Variants in C2 observed in about 807,000 individuals in gnomAD.
C2 encodes the protein C3/C5 convertase.
C2 carries 64 observed loss-of-function variants against 85.2 expected under a neutral mutation model. The observed-to-expected ratio is 0.75, with a 90% CI of 0.61 to 0.92. The LOEUF is 0.92. Among genes scored for constraint, C2 ranks in the 40% least tolerant of loss-of-function variants. The pLI, the probability that C2 is intolerant of heterozygous loss-of-function variation, is 0.00. For missense variants in C2, 820 were observed against 971.6 expected (o/e 0.84, Z 2.07); for synonymous variants, 311 against 370.8 (o/e 0.84, Z 1.85).
upstream of C2, chr6:31,927,558 G>C: frequency 6.6e-7 from 1 of 1,509,834 alleles, no homozygotes; most frequent in Non-Finnish European, 8.8e-7. The surrounding 1 kb of genome is among the most constrained non-coding windows in gnomAD (Gnocchi z 4.7). Flanking sequence ...ACAGGGCAAA[G>C]GTTTCACCCT....
rs758301462 is a variant in C2, at chr6:31,927,818, G to C, written c.46+20G>C. ...ACCCAGGTAGGAGGCAGGGAAGGGG[G>C]AACGTCAGGGTCCTGTGTGTGAGGT... On this transcript the variant is annotated intron_variant, in intron 1 of 17. Coordinates refer to ENST00000299367, the MANE Select transcript of C2 (RefSeq NM_000063.6). The surrounding 1 kb of genome is among the most constrained non-coding windows in gnomAD (Gnocchi z 4.7). The C allele has an allele frequency of 1.9e-6, 3 of 1,611,654 alleles. No individual in the cohort carries two copies. The highest frequency in any genetic ancestry group is 2.5e-6 in the Non-Finnish European group (3 of 1,177,798).
In C2 at chr6:31,933,906, C is replaced by T; in HGVS notation, c.656C>T (p.Ala219Val). The T allele has an allele frequency of 3.1e-6, 5 of 1,614,188 alleles. No individual in the cohort carries two copies. The highest frequency in any genetic ancestry group is 2.2e-5 in the East Asian group (1 of 44,888). ...SYDFPEDVAP[A>V]LGTSFSHMLG... is the part of the protein sequence containing the mutation. Reference sequence around the variant, plus strand: ...GACTTCCCTGAGGACGTGGCCCCTGCCCTGGGCACTTCCTTCTCCCACATG... The same window carrying T: ...GACTTCCCTGAGGACGTGGCCCCTGTCCTGGGCACTTCCTTCTCCCACATG... Residue 219 changes from alanine (A) to valine (V), a missense_variant, in exon 5 of 18, where the codon GCC (alanine) becomes GTC (valine). Coordinates refer to ENST00000299367, the MANE Select transcript of C2 (RefSeq NM_000063.6).
chr6:31,914,377 G>GGGCGGATCATGAA (rs1329009862), intron 1 of C2, among the ~76,000 whole-genome samples: 2 of 150,588 alleles, frequency 1.3e-5, no homozygotes, highest in Admixed American at 6.6e-5. Flanking sequence ...CGGATCATGA[G>GGGCGGATCATGAA]GTCAGGAGTT....
chr6:31,945,332 A>G lies in C2; in HGVS notation c.2234A>G (p.Asp745Gly). The change falls in exon 18 of 18, where the codon GAT (aspartate) becomes GGT (glycine). Residue 745 changes from aspartate to glycine, a missense_variant. By Grantham distance (94) the Asp-to-Gly change is moderately conservative (BLOSUM62 -1). Transcript: ENST00000299367. The surrounding 1 kb of genome is among the most constrained non-coding windows in gnomAD (Gnocchi z 5.3). ...CCCTGGCTGAGGCAGCACCTGGGGGATGTCCTGAATTTTTTACCCCTCTAG... is the reference window on the plus strand; with the variant it reads ...CCCTGGCTGAGGCAGCACCTGGGGGGTGTCCTGAATTTTTTACCCCTCTAG... ...MQPWLRQHLG[D>G]VLNFLPL 1.2e-6 allele frequency: 2 copies of G among 1,612,600 alleles called. No homozygotes were observed. Among genetic ancestry groups the G allele is most frequent in the Non-Finnish European group, 1.7e-6 (2 of 1,179,924 alleles).
upstream of C2, among the ~76,000 whole-genome samples, chr6:31,922,790 C>T (rs371810599): frequency 2.0e-5 from 3 of 152,032 alleles, no homozygotes; most frequent in Admixed American, 6.6e-5. The surrounding 1 kb of genome is among the most constrained non-coding windows in gnomAD (Gnocchi z 4.8). Flanking sequence ...TGCAGTGAGC[C>T]GAGATCGTAC....
chr6:31,901,003 G>T (rs1225333456), upstream of C2: 1 of 1,614,210 alleles, frequency 6.2e-7, no homozygotes, highest in East Asian at 2.2e-5. Flanking sequence ...TAAGGTAGTT[G>T]ACGATGTCCC....
chr6:31,928,212 C>T (rs750187838), intron 2 of C2, 48 bp downstream of exon 2: 158 of 1,545,610 alleles, frequency 1.0e-4, no homozygotes, highest in Non-Finnish European at 1.4e-4. Flanking sequence ...CAGGGGCCAC[C>T]CCAGAACTTT....
chr6:31,901,344 G>A, intron 1 of C2: 2 of 1,574,842 alleles, frequency 1.3e-6, no homozygotes, highest in East Asian at 2.3e-5. Context: ...GAAGGAAACC[G>A]GTCAGAGACA....
In C2 at chr6:31,943,866, C is replaced by T; in HGVS notation, c.1734-51C>T. The T allele has an allele frequency of 6.2e-7, 1 of 1,611,908 alleles. No individual in the cohort carries two copies. The highest frequency in any genetic ancestry group is 8.5e-7 in the Non-Finnish European group (1 of 1,179,204). On this transcript the variant is annotated intron_variant, in intron 13 of 17. Transcript: ENST00000299367. The surrounding 1 kb of genome is among the most constrained non-coding windows in gnomAD (Gnocchi z 6.4). ...GCAGGGAAGAGTGCTCTGGAGATCC[C>T]TGGAAGAGATACTGGGGACAGGCTG...
chr6:31,943,364 G>A lies in C2; in HGVS notation c.1455+45G>A, dbSNP rs1163727525. 3 of 1,608,286 alleles carry A rather than the reference G, an allele frequency of 1.9e-6. No individual in the cohort carries two copies. The highest frequency in any genetic ancestry group is 1.1e-5 in the South Asian group (1 of 90,994). ...GGGCTTGGATTCCAGAGGTAAAAGC[G>A]GCCATGGGCCAGACATACTGCAATC... On this transcript the variant is annotated intron_variant, in intron 11 of 17. Coordinates refer to ENST00000299367, the MANE Select transcript of C2 (RefSeq NM_000063.6). The surrounding 1 kb of genome is among the most constrained non-coding windows in gnomAD (Gnocchi z 6.4).
At chr6:31,933,069 C>T (rs1327264489) in intron 3 of C2, among the ~76,000 whole-genome samples, 1 of 146,498 alleles carries the variant, frequency 6.8e-6, no homozygotes, top group Non-Finnish European at 1.5e-5. Context: ...GGCAGCAGTA[C>T]CGTCCAGCTT....
chr6:31,913,030 CAAAAAA>C, intron 1 of C2, among the ~76,000 whole-genome samples: 1 of 70,536 alleles, frequency 1.4e-5, no homozygotes, highest in South Asian at 5.1e-4. Context: ...CCTGTTTCCA[CAAAAAA>C]AAAAAAAAAA....
upstream of C2, chr6:31,900,296 T>C: frequency 1.2e-6 from 2 of 1,612,724 alleles, no homozygotes; most frequent in Non-Finnish European, 1.7e-6. The surrounding 1 kb of genome is among the most constrained non-coding windows in gnomAD (Gnocchi z 9.7). Context: ...TTCCGGGCAC[T>C]TGGTGCACTT....
chr6:31,934,118 G>C lies in C2; in HGVS notation c.716-48G>C, dbSNP rs17207790. 13,149 of 1,605,802 alleles carry C rather than the reference G, an allele frequency of 8.2e-3. 177 individuals carry two copies. The highest frequency in any genetic ancestry group is 0.025 in the South Asian group (2,249 of 90,912). On this transcript the variant is annotated intron_variant, in intron 5 of 17. Transcript: ENST00000299367. Reference sequence around the variant, plus strand: ...GAAGCTGGACCTGCTTGGCGAGAGCGCAGGAAGGAGGTGGGGATCTGAATC... The same window carrying C: ...GAAGCTGGACCTGCTTGGCGAGAGCCCAGGAAGGAGGTGGGGATCTGAATC...
At chr6:31,934,348 ATCTC>A in intron 6 of C2, 49 bp downstream of exon 6, 1 of 1,612,456 alleles carries the variant, frequency 6.2e-7, no homozygotes, top group Non-Finnish European at 8.5e-7. Context: ...TGTGCTCACT[ATCTC>A]TCTCTGTCTC....
intron 9 of C2, chr6:31,941,119 T>C (rs1415728733): frequency 4.6e-5 from 7 of 152,262 alleles, no homozygotes; most frequent in Admixed American, 4.6e-4. Flanking sequence ...AGACCAGATC[T>C]GAGGTTTAGT....
chr6:31,899,968 C>G (rs753178351), upstream of C2: 2 of 1,599,870 alleles, frequency 1.3e-6, no homozygotes, highest in Non-Finnish European at 1.7e-6. Context: ...TGGCCTCCAG[C>G]ACGTTCTCGG....
chr6:31,899,162 GTT>G (rs9281620), upstream of C2, among the ~76,000 whole-genome samples: 1 of 151,486 alleles, frequency 6.6e-6, no homozygotes, highest in Non-Finnish European at 1.5e-5. Context: ...TAAAAAATAT[GTT>G]TTTTCTTAAA....
chr6:31,937,873 CAGG>C (rs1416808373), intron 8 of C2, among the ~76,000 whole-genome samples: 1 of 151,922 alleles, frequency 6.6e-6, no homozygotes, highest in Non-Finnish European at 1.5e-5. Flanking sequence ...GGTGTGGTGG[CAGG>C]CGCCTGTAAT....
Sources: gnomAD v4.1 joint callset for allele counts (sites outside exome capture counted in the v4.1 genomes callset) on GRCh38, gnomAD v4.1.1 for gene constraint, Gnocchi (gnomAD v3.1) non-coding constraint, MANE v1.5 for transcripts, NCBI Gene and HGNC (gene_info 2026-07-23, HGNC 2026-07-21) for gene names.